CRTC1: variants seen among roughly 807,000 people sequenced by gnomAD.
CRTC1 encodes the protein CREB-regulated transcription coactivator 1.
Under a neutral mutation model 66.1 loss-of-function variants are expected in CRTC1, and 18 were observed. The observed-to-expected ratio is 0.27, with a 90% CI of 0.19 to 0.40. CRTC1 has a LOEUF of 0.40. Ranked by LOEUF, CRTC1 falls within the 10% of genes least tolerant of loss-of-function variation. The pLI, the probability that CRTC1 is intolerant of heterozygous loss-of-function variation, is 1.00. For synonymous variants in CRTC1, 416 were observed against 398.8 expected (o/e 1.04, Z -0.51); for missense variants, 669 against 887.9 (o/e 0.75, Z 3.13).
At chr19:18,731,959 C>G (rs1025097502) in intron 1 of CRTC1, among the ~76,000 whole-genome samples, 3 of 152,198 alleles carry the variant, frequency 2.0e-5, no homozygotes, top group African/African-American at 7.2e-5. Context: ...TCCTGGGCTC[C>G]GTGGGCTTCA....
chr19:18,761,651 T>C (rs1200488020), intron 8 of CRTC1, among the ~76,000 whole-genome samples: 6 of 152,038 alleles, frequency 3.9e-5, no homozygotes, highest in South Asian at 2.1e-4. Context: ...AGCACCCCAA[T>C]TGGGGGCTCT....
intron 1 of CRTC1, among the ~76,000 whole-genome samples, chr19:18,697,667 C>T (rs1218688499): frequency 6.6e-6 from 1 of 152,206 alleles, no homozygotes; most frequent in Non-Finnish European, 1.5e-5. Flanking sequence ...ACAGTGGTCT[C>T]TGCCTCATTG....
Position 18,760,344 on chromosome 19 carries a change from C to G in CRTC1, c.886+116C>G, listed in dbSNP as rs1223669328. 1.4e-5 allele frequency: 13 copies of G among 915,246 alleles called. No homozygotes were observed. In the Admixed American group the frequency reaches 3.1e-4, roughly 22 times the overall value. The allele number at this position is 915,246 out of a possible 1,614,324, so 56.7% of individuals were successfully genotyped here. On this transcript the variant is annotated intron_variant, in intron 8 of 13. Coordinates refer to ENST00000321949, the MANE Select transcript of CRTC1 (RefSeq NM_015321.3). This position sits in a 1 kb window ranked among gnomAD's most constrained non-coding sequence, Gnocchi z 6.2. ...AAATACTAGGGCATGGGGGACAGGG[C>G]TGGGGGGCGGCCGACAGGCTGACCC...
chr19:18,761,909 G>A (rs1187908296), intron 8 of CRTC1, among the ~76,000 whole-genome samples: 1 of 152,106 alleles, frequency 6.6e-6, no homozygotes, highest in East Asian at 1.9e-4. Context: ...CCACACCTGG[G>A]CCCTGGGCCC....
chr19:18,744,623 T>C (rs1302768063), intron 2 of CRTC1, among the ~76,000 whole-genome samples: 1 of 152,130 alleles, frequency 6.6e-6, no homozygotes, highest in African/African-American at 2.4e-5. Flanking sequence ...TTTGGCTGCC[T>C]CAGTTTCCCT....
At chr19:18,744,218 G>C in intron 2 of CRTC1, 4 of 1,516,056 alleles carry the variant, frequency 2.6e-6, no homozygotes, top group African/African-American at 1.4e-5. Flanking sequence ...ACCCCGACCC[G>C]TGTGCGGGCG....
chr19:18,726,283 C>T (rs1180104211), intron 1 of CRTC1, among the ~76,000 whole-genome samples: 1 of 152,218 alleles, frequency 6.6e-6, no homozygotes, highest in Admixed American at 6.5e-5. Flanking sequence ...TTTCCAGCAC[C>T]GCTGACGTGT....
Position 18,692,468 on chromosome 19 carries a change from G to A in CRTC1, c.126+8640G>A, listed in dbSNP as rs192653491. On this transcript the variant is annotated intron_variant, in intron 1 of 13. Transcript: ENST00000321949. ...ATACAAAAATTAGCTGGGCATGGTG[G>A]CATGCACCTGTAATCCCAGCTACTC... Among the ~76,000 whole-genome samples, 174 of 152,258 alleles carry A rather than the reference G, an allele frequency of 1.1e-3. 1 individual carries two copies. The highest frequency in any genetic ancestry group is 1.1e-3 in the Non-Finnish European group (73 of 68,018).
At chr19:18,717,746 G>C (rs1171744709) in intron 1 of CRTC1, among the ~76,000 whole-genome samples, 1 of 152,148 alleles carries the variant, frequency 6.6e-6, no homozygotes, top group Non-Finnish European at 1.5e-5. Flanking sequence ...GCAGAGCAGG[G>C]CCGCAGGGAC....
intron 9 of CRTC1, among the ~76,000 whole-genome samples, chr19:18,766,282 G>C (rs2054732874): frequency 7.0e-6 from 1 of 142,048 alleles, no homozygotes; most frequent in South Asian, 2.3e-4. Context: ...TACCATGCCT[G>C]GCTAATTTTT....
chr19:18,684,276 G>A (rs1001405054), intron 1 of CRTC1, among the ~76,000 whole-genome samples: 3 of 151,832 alleles, frequency 2.0e-5, no homozygotes, highest in Non-Finnish European at 4.4e-5. Context: ...TATGAGCTGG[G>A]TGCTGCTTGC....
intron 1 of CRTC1, among the ~76,000 whole-genome samples, chr19:18,725,342 C>A (rs2053724829): frequency 1.3e-5 from 2 of 152,146 alleles, no homozygotes; most frequent in South Asian, 4.1e-4. Flanking sequence ...CTCCCTGTGG[C>A]CTCCAGGGAG....
At position 18,768,434 on chromosome 19, in the gene CRTC1, C is replaced by A; in HGVS notation, c.1012-51C>A. 6.5e-7 allele frequency: 1 copy of A among 1,528,184 alleles called. No homozygotes were observed. The allele number at this position is 1,528,184 out of a possible 1,614,324, so 94.7% of individuals were successfully genotyped here. On this transcript the variant is annotated intron_variant, in intron 9 of 13. Coordinates refer to ENST00000321949, the MANE Select transcript of CRTC1 (RefSeq NM_015321.3). The surrounding 1 kb of genome is among the most constrained non-coding windows in gnomAD (Gnocchi z 5.6). ...CCAGGCTATGGGGGCCCGAGGGGGC[C>A]AGGCGCTGACAACCAGGGCCCGCCC...
intron 1 of CRTC1, among the ~76,000 whole-genome samples, chr19:18,729,421 G>A (rs1474242035): frequency 4.9e-5 from 7 of 143,084 alleles, no homozygotes; most frequent in Non-Finnish European, 7.6e-5. Context: ...GCGAGACTCC[G>A]TCTCAAAAAA....
In CRTC1 at chr19:18,768,455, C is replaced by T. The variant is rs748380527; in HGVS notation, c.1012-30C>T. The T allele has an allele frequency of 7.3e-5, 117 of 1,595,942 alleles. No homozygotes were observed. The highest frequency in any genetic ancestry group is 9.6e-5 in the Non-Finnish European group (112 of 1,172,470). ...GGGCCAGGCGCTGACAACCAGGGCC[C>T]GCCCTGCCTGACGCTCTCCTCTCCT... On this transcript the variant is annotated intron_variant, in intron 9 of 13. Coordinates refer to ENST00000321949, the MANE Select transcript of CRTC1 (RefSeq NM_015321.3). This position sits in a 1 kb window ranked among gnomAD's most constrained non-coding sequence, Gnocchi z 5.6.
intron 8 of CRTC1, among the ~76,000 whole-genome samples, chr19:18,765,193 G>A (rs1366242123): frequency 6.6e-6 from 1 of 152,242 alleles, no homozygotes; most frequent in Non-Finnish European, 1.5e-5. Flanking sequence ...TTCCTGGAAG[G>A]AAGGAGAACA....
chr19:18,704,914 T>TCCCCAAC (rs1298101901), intron 1 of CRTC1, among the ~76,000 whole-genome samples: 1 of 18,138 alleles, frequency 5.5e-5, no homozygotes, highest in Non-Finnish European at 1.1e-4. Context: ...TACCCCCCAA[T>TCCCCAAC]CCCCAACCCC....
At chr19:18,712,550 A>G (rs2053415898) in intron 1 of CRTC1, among the ~76,000 whole-genome samples, 1 of 152,020 alleles carries the variant, frequency 6.6e-6, no homozygotes, top group African/African-American at 2.4e-5. Context: ...ATGAGCCACC[A>G]TACCCAGCCC....
chr19:18,706,177 T>C (rs1247316851), intron 1 of CRTC1, among the ~76,000 whole-genome samples: 1 of 130,072 alleles, frequency 7.7e-6, no homozygotes, highest in Admixed American at 8.4e-5. Flanking sequence ...TTCTATTCCA[T>C]TGGTCTTTTT....
Sources: gnomAD v4.1 joint callset for allele counts (sites outside exome capture counted in the v4.1 genomes callset) on GRCh38, gnomAD v4.1.1 for gene constraint, Gnocchi (gnomAD v3.1) non-coding constraint, MANE v1.5 for transcripts, NCBI Gene and HGNC (gene_info 2026-07-23, HGNC 2026-07-21) for gene names.